NCAM1: variants seen among roughly 807,000 people sequenced by gnomAD.
NCAM1 encodes antigen recognized by monoclonal antibody 5.1H11.
NCAM1 carries 14 observed loss-of-function variants against 109.8 expected under a neutral mutation model. The ratio of observed to expected loss-of-function variants is 0.13; its 90% CI spans 0.08 to 0.20. The LOEUF is 0.20. Among genes scored for constraint, NCAM1 ranks in the 10% least tolerant of loss-of-function variants. NCAM1 has a pLI of 1.00. For missense variants in NCAM1, 774 were observed against 1,109.9 expected (o/e 0.70, Z 4.30); for synonymous variants, 418 against 442.9 (o/e 0.94, Z 0.70).
At chr11:112,968,470 A>C (rs1555066074) in intron 1 of NCAM1, among the ~76,000 whole-genome samples, 2 of 152,216 alleles carry the variant, frequency 1.3e-5, no homozygotes, top group African/African-American at 4.8e-5. Context: ...CAATAATTAT[A>C]TCTTAATCAT....
intron 1 of NCAM1, among the ~76,000 whole-genome samples, chr11:113,152,336 T>C (rs1271842631): frequency 6.6e-6 from 1 of 152,256 alleles, no homozygotes; most frequent in East Asian, 1.9e-4. Context: ...ATTTCTGCTT[T>C]GGGCATTATG....
intron 1 of NCAM1, among the ~76,000 whole-genome samples, chr11:113,162,168 G>A (rs989033643): frequency 2.6e-4 from 40 of 152,292 alleles, no homozygotes; most frequent in Non-Finnish European, 2.6e-4. Context: ...GTGTTACCAG[G>A]CAATTGCTAC....
At chr11:113,257,177 C>T (rs1555122497) in intron 16 of NCAM1, among the ~76,000 whole-genome samples, 2 of 152,316 alleles carry the variant, frequency 1.3e-5, no homozygotes, top group South Asian at 4.1e-4. Flanking sequence ...TCCTCACTGC[C>T]AAGTAGGGTG....
intron 11 of NCAM1, 114 bp from the exon 12 acceptor site, chr11:113,232,604 A>G: frequency 1.1e-6 from 1 of 919,616 alleles, no homozygotes; most frequent in African/African-American, 1.7e-5. Context: ...GCTGGAGCTA[A>G]TGATTTATAC....
At chr11:113,081,362 G>A (rs987117849) in intron 1 of NCAM1, among the ~76,000 whole-genome samples, 1 of 152,086 alleles carries the variant, frequency 6.6e-6, no homozygotes, top group African/African-American at 2.4e-5. Flanking sequence ...CCCGGTGCTT[G>A]CCGGTCCTGG....
chr11:113,022,296 G>A (rs1555076392), intron 1 of NCAM1, among the ~76,000 whole-genome samples: 2 of 152,140 alleles, frequency 1.3e-5, no homozygotes, highest in South Asian at 2.1e-4. Context: ...ATGACTCTAG[G>A]GAAGAGGATA....
At chr11:113,235,395 G>C in intron 14 of NCAM1, 1 of 899,372 alleles carries the variant, frequency 1.1e-6, no homozygotes, top group Non-Finnish European at 1.8e-6. Context: ...CTAGTAGCCG[G>C]TCCAGCTTGT....
chr11:113,236,233 A>AT (rs138844764), intron 14 of NCAM1: 21,508 of 1,272,402 alleles, frequency 0.017, 71 homozygotes, highest in African/African-American at 0.064. Flanking sequence ...TTTACATCTT[A>AT]TTTTTTTTTT....
intron 1 of NCAM1, among the ~76,000 whole-genome samples, chr11:113,012,315 C>A (rs1952089980): frequency 6.6e-6 from 1 of 151,978 alleles, no homozygotes; most frequent in African/African-American, 2.4e-5. Context: ...CTGTGCCCGG[C>A]TGGGAAAAAC....
chr11:113,076,254 G>A (rs1036486154), intron 1 of NCAM1, among the ~76,000 whole-genome samples: 9 of 152,324 alleles, frequency 5.9e-5, no homozygotes, highest in African/African-American at 1.9e-4. Context: ...TCTACTTTCT[G>A]TGATCCAGGA....
chr11:113,233,368 T>C lies in NCAM1; in HGVS notation c.1693+51T>C. 2 of 1,556,570 alleles carry C rather than the reference T, an allele frequency of 1.3e-6. No individual in the cohort carries two copies. The highest frequency in any genetic ancestry group is 1.7e-6 in the Non-Finnish European group (2 of 1,144,760). On this transcript the variant is annotated intron_variant, in intron 13 of 19. Transcript: ENST00000316851. This position sits in a 1 kb window ranked among gnomAD's most constrained non-coding sequence, Gnocchi z 4.5. ...ATTGGGATCATGAGTGCCTCAGTAC[T>C]CAGATGTCCCCACCTGCCATCCTGG...
chr11:112,977,769 A>G (rs1476940240), intron 1 of NCAM1, among the ~76,000 whole-genome samples: 2 of 151,892 alleles, frequency 1.3e-5, no homozygotes, highest in East Asian at 3.9e-4. Context: ...TGGGCTTAGA[A>G]AGGCTTGTTG....
At chr11:113,170,244 C>T (rs1422129279) in intron 1 of NCAM1, among the ~76,000 whole-genome samples, 1 of 152,156 alleles carries the variant, frequency 6.6e-6, no homozygotes, top group Non-Finnish European at 1.5e-5. Flanking sequence ...GGTTCCAGGC[C>T]TCATACCAAG....
intron 1 of NCAM1, among the ~76,000 whole-genome samples, chr11:113,119,852 A>T (rs1299190788): frequency 6.6e-6 from 1 of 152,220 alleles, no homozygotes; most frequent in Non-Finnish European, 1.5e-5. Flanking sequence ...AGCCCCATAG[A>T]TCTACACACA....
chr11:113,271,881 G>A lies in NCAM1; in HGVS notation c.2456+5G>A, dbSNP rs1555125488. ...CACGCCACTGACGGAGCCCGAGTAC[G>A]TGGGCTGGGAGGGGCTGGCACCTGC... On this transcript the variant is annotated splice_donor_5th_base_variant and intron_variant, in intron 19 of 19. Coordinates refer to ENST00000316851, the MANE Select transcript of NCAM1 (RefSeq NM_181351.5). 4.5e-6 allele frequency: 7 copies of A among 1,555,948 alleles called. No individual in the cohort carries two copies. Among genetic ancestry groups the A allele is most frequent in the African/African-American group, 1.4e-5 (1 of 73,356 alleles).
At chr11:113,061,967 T>C (rs1937672306) in intron 1 of NCAM1, among the ~76,000 whole-genome samples, 1 of 152,206 alleles carries the variant, frequency 6.6e-6, no homozygotes, top group Admixed American at 6.5e-5. Context: ...GGACCTAGTC[T>C]GTTGCTGTCA....
chr11:113,116,534 A>G (rs554657505), intron 1 of NCAM1, among the ~76,000 whole-genome samples: 5 of 152,380 alleles, frequency 3.3e-5, no homozygotes, highest in East Asian at 1.9e-4. Flanking sequence ...GCGTATTTGC[A>G]TCAAACAACT....
intron 11 of NCAM1, 60 bp downstream of exon 11, chr11:113,232,414 CCAAAA>C (rs1945039906): frequency 1.3e-6 from 2 of 1,494,522 alleles, no homozygotes. Context: ...TAGGTGGGCT[CCAAAA>C]TGCAGCTCAA....
At chr11:113,055,581 T>A (rs1364112883) in intron 1 of NCAM1, among the ~76,000 whole-genome samples, 1 of 152,162 alleles carries the variant, frequency 6.6e-6, no homozygotes, top group Non-Finnish European at 1.5e-5. Context: ...CTCCTTGCTA[T>A]TTTAGCTAGG....
Sources: allele counts gnomAD v4.1 joint callset (sites outside exome capture counted in the v4.1 genomes callset), GRCh38; gene constraint gnomAD v4.1.1; non-coding constraint Gnocchi (gnomAD v3.1); transcripts MANE v1.5; gene names NCBI Gene and HGNC (gene_info 2026-07-23, HGNC 2026-07-21).